GRIA2: variants seen among roughly 807,000 people sequenced by gnomAD.
GRIA2 encodes glutamate receptor 2.
GRIA2 carries 14 observed loss-of-function variants against 97.3 expected under a neutral mutation model. That is an observed-to-expected ratio of 0.14 (90% CI 0.10 to 0.23). The LOEUF is 0.23. Ranked by LOEUF, GRIA2 falls within the 10% of genes least tolerant of loss-of-function variation. GRIA2 has a pLI of 1.00. For missense variants in GRIA2, 558 were observed against 1,069.8 expected, an observed-to-expected ratio of 0.52 and a Z score of 6.67; for synonymous variants, 412 against 387.8, an observed-to-expected ratio of 1.06 and a Z score of -0.73.
intron 2 of GRIA2, among the ~76,000 whole-genome samples, chr4:157,295,660 GA>G (rs1375190962): frequency 1.3e-5 from 2 of 152,074 alleles, no homozygotes; most frequent in African/African-American, 4.8e-5. Context: ...TGCCCCAGTG[GA>G]AAAGTGAACT....
At chr4:157,360,292 A>T in intron 13 of GRIA2, 149 bp downstream of exon 13, 1 of 719,580 alleles carries the variant, frequency 1.4e-6, no homozygotes, top group African/African-American at 1.8e-5. Flanking sequence ...GAATGTTTTT[A>T]AACATTTAGA....
chr4:157,312,613 T>C, intron 3 of GRIA2, 66 bp from the exon 4 acceptor site: 1 of 886,082 alleles, frequency 1.1e-6, no homozygotes, highest in Non-Finnish European at 1.7e-6. Flanking sequence ...TCACTGGCAA[T>C]TTCATAACAC....
chr4:157,263,087 G>T (rs1731619048), intron 2 of GRIA2, among the ~76,000 whole-genome samples: 1 of 152,104 alleles, frequency 6.6e-6, no homozygotes, highest in Non-Finnish European at 1.5e-5. Context: ...CGAATAGCAG[G>T]ATTTCTGCAA....
chr4:157,298,703 C>G (rs142448278), intron 2 of GRIA2, among the ~76,000 whole-genome samples: 203 of 135,286 alleles, frequency 1.5e-3, no homozygotes, highest in African/African-American at 5.4e-3. Flanking sequence ...TGTGGAACAC[C>G]AAAACATAGT....
rs1024595890 is a variant in GRIA2 at position 157,303,412 on chromosome 4, A to C, written c.230-140A>C. 7 of 691,024 alleles carry C rather than the reference A, an allele frequency of 1.0e-5. No homozygotes were observed. The African/African-American group carries it at 1.1e-4, about 11-fold the overall frequency. The allele number at this position is 691,024 out of a possible 1,614,324, so 42.8% of individuals were successfully genotyped here. On this transcript the variant is annotated intron_variant, in intron 2 of 15. Coordinates refer to ENST00000264426, the MANE Select transcript of GRIA2 (RefSeq NM_001083619.3). ...CTAAGTAAATAAGTGTTAATAAATTACAATGGATCATTAAATCTATATTTC... is the reference window on the plus strand; with the variant it reads ...CTAAGTAAATAAGTGTTAATAAATTCCAATGGATCATTAAATCTATATTTC...
intron 2 of GRIA2, among the ~76,000 whole-genome samples, chr4:157,277,836 A>ATATATG (rs1553951545): frequency 9.1e-5 from 11 of 121,246 alleles, no homozygotes; most frequent in Middle Eastern, 4.8e-3. Flanking sequence ...GTATATATGT[A>ATATATG]TATATATATG....
intron 2 of GRIA2, among the ~76,000 whole-genome samples, chr4:157,240,320 A>C (rs1730447562): frequency 6.6e-6 from 1 of 152,048 alleles, no homozygotes; most frequent in African/African-American, 2.4e-5. Flanking sequence ...GAATACATTA[A>C]ATTTTTCTTC....
chr4:157,303,515 C>T (rs1304274203), intron 2 of GRIA2, 37 bp from the exon 3 acceptor site: 1 of 1,591,422 alleles, frequency 6.3e-7, no homozygotes, highest in Non-Finnish European at 8.6e-7. Context: ...GTGCCAATTT[C>T]AATGATTTTT....
At chr4:157,321,672 G>T in intron 6 of GRIA2, 73 bp downstream of exon 6, 2 of 1,028,194 alleles carry the variant, frequency 1.9e-6, no homozygotes, top group Non-Finnish European at 1.5e-6. Flanking sequence ...AAATAAGGAG[G>T]AAGGAGAAAA....
In GRIA2 at chr4:157,360,275, C is replaced by T. The variant is rs1312912547; in HGVS notation, c.2291+132C>T. The T allele has an allele frequency of 7.2e-6, 6 of 832,784 alleles. No individual in the cohort carries two copies. The East Asian group carries it at 1.3e-4, about 18-fold the overall frequency. The allele number at this position is 832,784 out of a possible 1,614,324, so 51.6% of individuals were successfully genotyped here. A position where few individuals can be genotyped will look rare whatever the true frequency, so the allele number is the denominator to read the frequency against. ...CACCATCACAAAAATGACCAAAAAA[C>T]GTTTCTGAATGTTTTTAAACATTTA... On this transcript the variant is annotated intron_variant, in intron 13 of 15. Transcript: ENST00000264426.
At chr4:157,248,194 C>G (rs1378070642) in intron 2 of GRIA2, among the ~76,000 whole-genome samples, 1 of 151,078 alleles carries the variant, frequency 6.6e-6, no homozygotes, top group Non-Finnish European at 1.5e-5. Context: ...AAAACTGAAT[C>G]AGAGGTAACC....
rs866628536 is a variant in GRIA2, at chr4:157,220,950, G to C, written c.-93G>C. ...CTAAATTGCTGTCTCAAAATGCAGAGGATCTAATTTGCAGAGGAAAACAGC... is the reference window on the plus strand; with the variant it reads ...CTAAATTGCTGTCTCAAAATGCAGACGATCTAATTTGCAGAGGAAAACAGC... On this transcript the variant is annotated 5_prime_UTR_variant, in exon 1 of 16. Coordinates refer to ENST00000264426, the MANE Select transcript of GRIA2 (RefSeq NM_001083619.3). 16 of 742,320 alleles carry C rather than the reference G, an allele frequency of 2.2e-5. No individual in the cohort carries two copies. In the Middle Eastern group the frequency reaches 3.8e-3, roughly 177 times the overall value. The allele number at this position is 742,320 out of a possible 1,614,324, so 46.0% of individuals were successfully genotyped here.
intron 3 of GRIA2, among the ~76,000 whole-genome samples, chr4:157,308,381 A>G (rs1281922052): frequency 6.6e-6 from 1 of 152,210 alleles, no homozygotes; most frequent in African/African-American, 2.4e-5. Context: ...TTTTTATTTT[A>G]GCAAAACATC....
intron 2 of GRIA2, among the ~76,000 whole-genome samples, chr4:157,263,813 C>A (rs911312885): frequency 1.3e-5 from 2 of 152,030 alleles, no homozygotes; most frequent in Non-Finnish European, 2.9e-5. Context: ...AAGTTCTCTT[C>A]CCCAAGGGAG....
At chr4:157,270,114 C>T (rs955517685) in intron 2 of GRIA2, among the ~76,000 whole-genome samples, 4 of 152,092 alleles carry the variant, frequency 2.6e-5, no homozygotes, top group Non-Finnish European at 4.4e-5. Flanking sequence ...AAATGATGCT[C>T]CTCAAATTTG....
chr4:157,227,842 A>C (rs922450338), intron 2 of GRIA2, among the ~76,000 whole-genome samples: 1 of 152,198 alleles, frequency 6.6e-6, no homozygotes, highest in Admixed American at 6.5e-5. Context: ...CAATAGGAAA[A>C]TAAGTTGCTG....
chr4:157,289,304 T>C (rs1203975526), intron 2 of GRIA2, among the ~76,000 whole-genome samples: 1 of 151,874 alleles, frequency 6.6e-6, no homozygotes, highest in Non-Finnish European at 1.5e-5. Context: ...TACCTGAGCA[T>C]TGCTGGAAGT....
At chr4:157,253,123 T>C (rs917828240) in intron 2 of GRIA2, among the ~76,000 whole-genome samples, 6 of 141,776 alleles carry the variant, frequency 4.2e-5, no homozygotes, top group Non-Finnish European at 1.5e-5. Context: ...CACCTTTTTG[T>C]TTTTTTTTTT....
chr4:157,356,245 A>C lies in GRIA2; in HGVS notation c.2044-3651A>C, dbSNP rs1373891921. 3.4e-5 allele frequency among the ~76,000 whole-genome samples: 5 copies of C among 145,098 alleles called. No individual in the cohort carries two copies. In the East Asian group the frequency reaches 9.9e-4, roughly 29 times the overall value. ...GAGAGAGAGTTTAAATTTCGTGAAA[A>C]GCAGCATGTAGATTTGCGAAAGAGG... On this transcript the variant is annotated intron_variant, in intron 12 of 15. Coordinates refer to ENST00000264426, the MANE Select transcript of GRIA2 (RefSeq NM_001083619.3).
Sources: allele counts gnomAD v4.1 joint callset (sites outside exome capture counted in the v4.1 genomes callset), GRCh38; gene constraint gnomAD v4.1.1; transcripts MANE v1.5; gene names NCBI Gene and HGNC (gene_info 2026-07-23, HGNC 2026-07-21).